KHDRBS2: variants seen among roughly 807,000 people sequenced by gnomAD.
KHDRBS2 encodes KH domain-containing, RNA-binding, signal transduction-associated protein 2.
In KHDRBS2, 26 loss-of-function variants were observed where a neutral mutation model predicts 44.3. That is an observed-to-expected ratio of 0.59 (90% confidence interval 0.43 to 0.81). The LOEUF (loss-of-function observed/expected upper bound fraction) is 0.81, where lower values mean the gene tolerates loss of function less well. KHDRBS2 is among the 40% of genes least tolerant of loss of function. KHDRBS2 has a pLI of 0.00. For missense variants in KHDRBS2, 476 were observed against 433.1 expected (o/e 1.10, Z -0.88); for synonymous variants, 194 against 151.1 (o/e 1.28, Z -2.08).
At chr6:62,275,526 C>T (rs9294843) in intron 1 of KHDRBS2, among the ~76,000 whole-genome samples, 121,411 of 152,154 alleles carry the variant, frequency 0.8, 49,094 homozygotes, top group African/African-American at 0.93. Flanking sequence ...CATCTACTGT[C>T]TGCATTTTAT....
chr6:61,806,148 C>A (rs1385622006), intron 6 of KHDRBS2, among the ~76,000 whole-genome samples: 5 of 152,158 alleles, frequency 3.3e-5, no homozygotes, highest in Non-Finnish European at 7.3e-5. Flanking sequence ...GTGTGGTCTA[C>A]ATTCTCCTTT....
At chr6:61,578,733 G>A in the KHDRBS2 span, among the ~76,000 whole-genome samples, 9 of 152,010 alleles carry the variant, frequency 5.9e-5, no homozygotes, top group South Asian at 2.1e-4. Context: ...GATTATAGTC[G>A]GATGCTTGGA....
At chr6:62,225,234 C>CT (rs1831565697) in intron 1 of KHDRBS2, among the ~76,000 whole-genome samples, 5 of 152,262 alleles carry the variant, frequency 3.3e-5, no homozygotes, top group East Asian at 3.9e-4. Context: ...GGAGGGTTCA[C>CT]TTATCCCACT....
At chr6:61,950,492 A>T (rs1764523521) in intron 4 of KHDRBS2, among the ~76,000 whole-genome samples, 1 of 152,098 alleles carries the variant, frequency 6.6e-6, no homozygotes, top group East Asian at 1.9e-4. Context: ...TCCCTGATGA[A>T]TCAATGATGT....
chr6:62,141,792 C>T (rs1482195297), intron 2 of KHDRBS2, among the ~76,000 whole-genome samples: 10 of 152,080 alleles, frequency 6.6e-5, no homozygotes, highest in Non-Finnish European at 1.2e-4. Flanking sequence ...TTTTCATGTA[C>T]ATGAGTGCTA....
intron 4 of KHDRBS2, among the ~76,000 whole-genome samples, chr6:61,951,119 A>G (rs1399932017): frequency 6.6e-6 from 1 of 152,028 alleles, no homozygotes; most frequent in African/African-American, 2.4e-5. Context: ...TACTTTCAAT[A>G]TTTCAAAAAT....
At chr6:61,865,472 G>A (rs1583233595) in intron 6 of KHDRBS2, among the ~76,000 whole-genome samples, 1 of 152,008 alleles carries the variant, frequency 6.6e-6, no homozygotes, top group African/African-American at 2.4e-5. Context: ...AAAACCATCA[G>A]ATCTCATGAA....
intron 4 of KHDRBS2, among the ~76,000 whole-genome samples, chr6:61,965,616 T>C (rs1200100385): frequency 6.6e-6 from 1 of 151,930 alleles, no homozygotes; most frequent in African/African-American, 2.4e-5. Flanking sequence ...TGGTTACCAA[T>C]ATATGTTAGT....
At chr6:61,584,042 A>G in the KHDRBS2 span, among the ~76,000 whole-genome samples, 1 of 151,668 alleles carries the variant, frequency 6.6e-6, no homozygotes, top group Non-Finnish European at 1.5e-5. Context: ...TACAACTGAT[A>G]TTTATATTCT....
At chr6:61,722,064 T>G (rs1054399500) in intron 7 of KHDRBS2, among the ~76,000 whole-genome samples, 1 of 151,620 alleles carries the variant, frequency 6.6e-6, no homozygotes, top group Non-Finnish European at 1.5e-5. Flanking sequence ...TGGTTCTGTT[T>G]ATATGCTGGA....
At chr6:62,117,616 C>T (rs576807116) in intron 2 of KHDRBS2, among the ~76,000 whole-genome samples, 1 of 152,028 alleles carries the variant, frequency 6.6e-6, no homozygotes, top group Non-Finnish European at 1.5e-5. Flanking sequence ...TTGATGTAAT[C>T]CCATTTCTAT....
chr6:61,679,785 C>T (rs1766140148), downstream of KHDRBS2, among the ~76,000 whole-genome samples: 1 of 151,898 alleles, frequency 6.6e-6, no homozygotes, highest in Non-Finnish European at 1.5e-5. Context: ...GCAATGCTTA[C>T]ATGTTGGATG....
intron 2 of KHDRBS2, among the ~76,000 whole-genome samples, chr6:62,107,499 G>T (rs1351501398): frequency 6.6e-6 from 1 of 152,092 alleles, no homozygotes; most frequent in Admixed American, 6.6e-5. Context: ...AATCAATATC[G>T]TGAAAATGGC....
intron 6 of KHDRBS2, among the ~76,000 whole-genome samples, chr6:61,752,616 T>A (rs755564114): frequency 6.7e-5 from 10 of 149,030 alleles, no homozygotes; most frequent in Non-Finnish European, 1.5e-4. Context: ...TCACTTGACA[T>A]GTATGTTTTG....
chr6:61,852,304 G>A (rs550157772), intron 6 of KHDRBS2, among the ~76,000 whole-genome samples: 13 of 151,680 alleles, frequency 8.6e-5, no homozygotes, highest in Non-Finnish European at 1.5e-4. Context: ...ATTTTTTCAC[G>A]CCTGTAATCC....
chr6:61,817,382 T>G (rs1789142036), intron 6 of KHDRBS2, among the ~76,000 whole-genome samples: 1 of 152,116 alleles, frequency 6.6e-6, no homozygotes, highest in African/African-American at 2.4e-5. Flanking sequence ...CACATTAATT[T>G]CATTGCTGTA....
chr6:61,814,625 C>T (rs1714559754), intron 6 of KHDRBS2, among the ~76,000 whole-genome samples: 1 of 151,830 alleles, frequency 6.6e-6, no homozygotes, highest in African/African-American at 2.4e-5. Flanking sequence ...AACAAACAAA[C>T]AAAAAACTAT....
At chr6:61,618,000 A>G in the KHDRBS2 span, among the ~76,000 whole-genome samples, 1 of 152,158 alleles carries the variant, frequency 6.6e-6, no homozygotes, top group African/African-American at 2.4e-5. Context: ...TCTTTAGCCT[A>G]TCTTTGCATT....
At chr6:61,743,232 T>TGACA (rs1436067328) in intron 6 of KHDRBS2, among the ~76,000 whole-genome samples, 1 of 152,152 alleles carries the variant, frequency 6.6e-6, no homozygotes, top group African/African-American at 2.4e-5. Context: ...AGCCAGTATG[T>TGACA]GACACACTTA....
Sources: gnomAD v4.1 joint callset for allele counts (sites outside exome capture counted in the v4.1 genomes callset) on GRCh38, gnomAD v4.1.1 for gene constraint, MANE v1.5 for transcripts, NCBI Gene and HGNC (gene_info 2026-07-23, HGNC 2026-07-21) for gene names.